Variants in ARHGAP40 observed in about 807,000 individuals in gnomAD.
ARHGAP40 encodes the protein Rho GTPase activating protein 40, also known as rho GTPase-activating protein 40.
Under a neutral mutation model 73.5 loss-of-function variants are expected in ARHGAP40, and 43 were observed. That is an observed-to-expected ratio of 0.58 (90% CI 0.46 to 0.75). The LOEUF (loss-of-function observed/expected upper bound fraction) is 0.75, where lower values mean the gene tolerates loss of function less well. ARHGAP40 is among the 30% of genes least tolerant of loss of function. ARHGAP40 has a pLI of 0.00. For missense variants in ARHGAP40, 734 were observed against 861.8 expected (o/e 0.85, Z 1.86); for synonymous variants, 300 against 352.8 (o/e 0.85, Z 1.68).
chr20:38,610,574 A>T (rs182525633), intron 1 of ARHGAP40, among the ~76,000 whole-genome samples: 1 of 152,336 alleles, frequency 6.6e-6, no homozygotes, highest in East Asian at 1.9e-4. Context: ...GACATAACTC[A>T]AAGCATAGAA....
chr20:38,643,779 G>C, exon 11 of ARHGAP40: 1 of 1,305,850 alleles, frequency 7.7e-7, no homozygotes, highest in Non-Finnish European at 1.0e-6. Context: ...TGTTTCCACC[G>C]TGATGGCCCC....
intron 5 of ARHGAP40, among the ~76,000 whole-genome samples, chr20:38,633,120 C>A (rs2088951670): frequency 7.4e-6 from 1 of 134,688 alleles, no homozygotes; most frequent in African/African-American, 2.7e-5. Flanking sequence ...GAGACTCCGT[C>A]TCAAAAAAAA....
chr20:38,641,746 C>A (rs370299705), exon 10 of ARHGAP40: 2 of 1,294,756 alleles, frequency 1.5e-6, no homozygotes, highest in Non-Finnish European at 2.0e-6. Context: ...CCTGAAGCAG[C>A]GCCTGCAGGT....
chr20:38,610,883 C>CTTTTTTTTTTTTTTTTTTT (rs60110231), intron 1 of ARHGAP40, among the ~76,000 whole-genome samples: 5 of 139,046 alleles, frequency 3.6e-5, no homozygotes, highest in Non-Finnish European at 3.0e-5. Flanking sequence ...GATGTCTTTT[C>CTTTTTTTTTTTTTTTTTTT]TTTTTTTTTT....
chr20:38,607,498 A>G (rs1428024620), intron 1 of ARHGAP40, among the ~76,000 whole-genome samples: 1 of 152,218 alleles, frequency 6.6e-6, no homozygotes, highest in Non-Finnish European at 1.5e-5. Context: ...GATCCTGCTT[A>G]CAAACCAGCG....
chr20:38,609,646 A>T (rs2088793167), intron 1 of ARHGAP40, among the ~76,000 whole-genome samples: 1 of 152,148 alleles, frequency 6.6e-6, no homozygotes, highest in Non-Finnish European at 1.5e-5. Flanking sequence ...GGCTTCCTGG[A>T]GGAGGTGATG....
exon 15 of ARHGAP40, chr20:38,650,432 C>G (rs1477340267): frequency 4.3e-6 from 2 of 469,196 alleles, no homozygotes; most frequent in East Asian, 1.4e-4. Flanking sequence ...GGACAAGCCC[C>G]TTGCCCTCTC....
At chr20:38,611,649 C>T (rs2145594786) in intron 1 of ARHGAP40, among the ~76,000 whole-genome samples, 1 of 152,076 alleles carries the variant, frequency 6.6e-6, no homozygotes, top group Non-Finnish European at 1.5e-5. Context: ...ACCATCTTGG[C>T]TCTCTGCAAG....
chr20:38,626,114 T>G (rs1186485191), intron 2 of ARHGAP40, among the ~76,000 whole-genome samples: 2 of 152,180 alleles, frequency 1.3e-5, no homozygotes, highest in Non-Finnish European at 2.9e-5. Flanking sequence ...CTGTTCTGGT[T>G]CCCAAGTGCA....
intron 11 of ARHGAP40, among the ~76,000 whole-genome samples, chr20:38,645,046 T>C (rs1444606444): frequency 6.6e-6 from 1 of 152,186 alleles, no homozygotes; most frequent in African/African-American, 2.4e-5. Context: ...CACTCGTCTG[T>C]GTTCTAAACA....
intron 13 of ARHGAP40, 114 bp from the exon 14 acceptor site, chr20:38,648,529 A>C: frequency 1.1e-6 from 1 of 896,884 alleles, no homozygotes; most frequent in Non-Finnish European, 1.5e-6. Context: ...CAGCAGGACC[A>C]AAAATCAGTG....
chr20:38,609,616 T>C (rs1032667864), intron 1 of ARHGAP40, among the ~76,000 whole-genome samples: 10 of 152,120 alleles, frequency 6.6e-5, no homozygotes, highest in African/African-American at 2.2e-4. Context: ...GCCCAACGCC[T>C]CTAGGAGGGC....
At chr20:38,640,243 G>T (rs2089009851) in intron 9 of ARHGAP40, among the ~76,000 whole-genome samples, 2 of 135,948 alleles carry the variant, frequency 1.5e-5, no homozygotes, top group South Asian at 4.7e-4. Context: ...TAGAGATGGG[G>T]TCTTGCTCTG....
At chr20:38,613,324 A>C (rs1417242286) in intron 1 of ARHGAP40, among the ~76,000 whole-genome samples, 3 of 152,150 alleles carry the variant, frequency 2.0e-5, no homozygotes, top group African/African-American at 7.2e-5. Flanking sequence ...CCCCTCCCAG[A>C]GTGCTATGTG....
Position 38,646,937 on chromosome 20 carries a change from TTCTC to T in ARHGAP40, c.1711-8_1711-5del, listed in dbSNP as rs745413373. 6.6e-5 allele frequency: 84 copies of T among 1,265,204 alleles called. No individual in the cohort carries two copies. The highest frequency in any genetic ancestry group is 5.6e-5 in the Non-Finnish European group (54 of 959,344). 78.4% of individuals were successfully genotyped at this position (1,265,204 alleles called of 1,614,324 possible). On this transcript the variant is annotated splice_polypyrimidine_tract_variant and intron_variant, in intron 12 of 14. Coordinates refer to ENST00000373345, the Ensembl canonical transcript of ARHGAP40. The surrounding 1 kb of genome is among the most constrained non-coding windows in gnomAD (Gnocchi z 4.5). Reference sequence around the variant, plus strand: ...AGCTGACTCTTATGTATATGGATCTTTCTCTCTCTCTCTCTGCAGACTCCCAAGG... The same window carrying T: ...AGCTGACTCTTATGTATATGGATCTTTCTCTCTCTCTGCAGACTCCCAAGG...
chr20:38,648,708 A>G lies in ARHGAP40; in HGVS notation c.1936+10A>G, dbSNP rs914972180. ...GTTGGAGGGAATATCAGTAAGTTCC[A>G]CTGTGGGAAACAGGAACAGAGCCCG... On this transcript the variant is annotated intron_variant, in intron 14 of 14. Coordinates refer to ENST00000373345, the Ensembl canonical transcript of ARHGAP40. 7.7e-7 allele frequency: 1 copy of G among 1,305,474 alleles called. No individual in the cohort carries two copies. Among genetic ancestry groups the G allele is most frequent in the Admixed American group, 2.3e-5 (1 of 43,566 alleles). 80.9% of individuals were successfully genotyped at this position (1,305,474 alleles called of 1,614,324 possible).
rs1601152639 is a variant in ARHGAP40 at position 38,646,598 on chromosome 20, C to T, written c.1711-359C>T. ...CCTGAACACGGTTCCTTATTAAAGTCCCGATTAGAGAAATTGATGAGCGTT... is the reference window on the plus strand; with the variant it reads ...CCTGAACACGGTTCCTTATTAAAGTTCCGATTAGAGAAATTGATGAGCGTT... On this transcript the variant is annotated intron_variant, in intron 12 of 14. Coordinates refer to ENST00000373345, the Ensembl canonical transcript of ARHGAP40. The surrounding 1 kb of genome is among the most constrained non-coding windows in gnomAD (Gnocchi z 4.5). 6.6e-6 allele frequency among the ~76,000 whole-genome samples: 1 copy of T among 152,236 alleles called. No individual in the cohort carries two copies. Among genetic ancestry groups the T allele is most frequent in the Non-Finnish European group, 1.5e-5 (1 of 68,020 alleles).
intron 6 of ARHGAP40, 146 bp from the exon 7 acceptor site, chr20:38,637,562 C>A (rs6026964): frequency 0.29 from 133,266 of 467,190 alleles, 20,990 homozygotes; most frequent in African/African-American, 0.49. Context: ...TCAAGAGGAG[C>A]GGTTTGGGTC....
At chr20:38,640,794 C>T (rs2089013356) in intron 9 of ARHGAP40, among the ~76,000 whole-genome samples, 1 of 152,172 alleles carries the variant, frequency 6.6e-6, no homozygotes, top group Non-Finnish European at 1.5e-5. Flanking sequence ...CATTTGGCTG[C>T]TTTCTGCCAT....
Sources: gnomAD v4.1 joint callset for allele counts (sites outside exome capture counted in the v4.1 genomes callset) on GRCh38, gnomAD v4.1.1 for gene constraint, Gnocchi (gnomAD v3.1) non-coding constraint, MANE v1.5 for transcripts, NCBI Gene and HGNC (gene_info 2026-07-23, HGNC 2026-07-21) for gene names.